Variants in RBFOX1 observed in about 807,000 individuals in gnomAD.
RBFOX1 encodes the protein RNA binding fox-1 homolog 1, also known as RNA binding protein fox-1 homolog 1.
A neutral mutation model predicts 57.7 loss-of-function variants in RBFOX1; 8 were observed. The observed-to-expected ratio is 0.14, with a 90% CI of 0.08 to 0.25. The LOEUF (loss-of-function observed/expected upper bound fraction) is 0.25. Ranked by LOEUF, RBFOX1 falls within the 10% of genes least tolerant of loss-of-function variation. The pLI, the probability that RBFOX1 is intolerant of heterozygous loss-of-function variation, is 1.00. For synonymous variants in RBFOX1, 326 were observed against 222.4 expected (o/e 1.47, Z -4.15); for missense variants, 611 against 548.5 (o/e 1.11, Z -1.14).
intron 3 of RBFOX1, among the ~76,000 whole-genome samples, chr16:6,903,667 C>T (rs953752371): frequency 1.3e-5 from 2 of 151,976 alleles, no homozygotes; most frequent in East Asian, 1.9e-4. Context: ...TTCTCTTTAC[C>T]TAAAAAGAGA....
chr16:6,465,617 TGTGTG>T (rs2095030661), intron 2 of RBFOX1, among the ~76,000 whole-genome samples: 4 of 151,620 alleles, frequency 2.6e-5, no homozygotes, highest in Middle Eastern at 3.2e-3. Flanking sequence ...TGTGTGTGTG[TGTGTG>T]TGTGTGTGTG....
chr16:5,337,169 A>C (rs949420950), intron 1 of RBFOX1, among the ~76,000 whole-genome samples: 3 of 152,138 alleles, frequency 2.0e-5, no homozygotes, highest in African/African-American at 7.2e-5. Flanking sequence ...CAGGTGACAA[A>C]AGAACCTCCC....
chr16:5,318,282 C>G (rs1011906373), intron 1 of RBFOX1, among the ~76,000 whole-genome samples: 9 of 152,158 alleles, frequency 5.9e-5, no homozygotes, highest in African/African-American at 2.2e-4. Context: ...GCATTCACCA[C>G]CACACCCGGC....
intron 2 of RBFOX1, among the ~76,000 whole-genome samples, chr16:6,603,331 T>C (rs898760135): frequency 3.3e-5 from 5 of 152,212 alleles, no homozygotes; most frequent in African/African-American, 9.6e-5. Flanking sequence ...AGTTGGAGTC[T>C]TGTATGAAAT....
At chr16:6,081,808 T>C (rs2152508692) in intron 1 of RBFOX1, among the ~76,000 whole-genome samples, 1 of 152,298 alleles carries the variant, frequency 6.6e-6, no homozygotes, top group Middle Eastern at 3.4e-3. Context: ...CCATTGTTGG[T>C]AGATTCCAGC....
At chr16:7,399,545 T>A (rs2148737243) in intron 4 of RBFOX1, among the ~76,000 whole-genome samples, 1 of 152,356 alleles carries the variant, frequency 6.6e-6, no homozygotes, top group Non-Finnish European at 1.5e-5. Flanking sequence ...GGAAAATCCA[T>A]ACCCTGGCTC....
chr16:5,643,123 C>T (rs981064540), intron 3 of RBFOX1, among the ~76,000 whole-genome samples: 3 of 152,122 alleles, frequency 2.0e-5, no homozygotes, highest in African/African-American at 7.2e-5. Flanking sequence ...AGCAGCCAGC[C>T]TCTAGGCAGA....
At chr16:5,715,808 T>A (rs2051675516) in intron 3 of RBFOX1, among the ~76,000 whole-genome samples, 1 of 152,180 alleles carries the variant, frequency 6.6e-6, no homozygotes, top group Non-Finnish European at 1.5e-5. Flanking sequence ...GGGCTTCCTT[T>A]TACTGGCCCA....
At chr16:6,975,280 T>G (rs2153577184) in intron 3 of RBFOX1, among the ~76,000 whole-genome samples, 1 of 152,232 alleles carries the variant, frequency 6.6e-6, no homozygotes, top group Admixed American at 6.5e-5. Flanking sequence ...TTATTTTTTT[T>G]TTTGAGACAG....
At chr16:7,647,979 G>T (rs184769113) in intron 11 of RBFOX1, among the ~76,000 whole-genome samples, 33 of 152,142 alleles carry the variant, frequency 2.2e-4, no homozygotes, top group Non-Finnish European at 4.1e-4. Flanking sequence ...TGAATCATCT[G>T]TCCAGGTAAT....
chr16:7,050,927 G>C (rs1404747865), intron 3 of RBFOX1, among the ~76,000 whole-genome samples: 6 of 152,090 alleles, frequency 3.9e-5, no homozygotes, highest in East Asian at 1.9e-4. Flanking sequence ...CTGATTTATA[G>C]ATTTGGGGCT....
At chr16:6,378,686 A>G (rs1014979893) in intron 2 of RBFOX1, among the ~76,000 whole-genome samples, 5 of 152,164 alleles carry the variant, frequency 3.3e-5, no homozygotes, top group Non-Finnish European at 5.9e-5. Flanking sequence ...GTCACCCTTT[A>G]GAGGGGCAGC....
chr16:6,452,292 A>T (rs2534765), intron 2 of RBFOX1, among the ~76,000 whole-genome samples: 122,173 of 150,608 alleles, frequency 0.81, 49,476 homozygotes, highest in Middle Eastern at 0.88. Flanking sequence ...GACTCCATCC[A>T]TGGCTGCATC....
chr16:6,052,835 ATAT>A (rs909290937), intron 1 of RBFOX1, among the ~76,000 whole-genome samples: 38 of 148,726 alleles, frequency 2.6e-4, no homozygotes, highest in African/African-American at 7.1e-4. Flanking sequence ...AATAATAATA[ATAT>A]TAATGCCTAT....
chr16:7,031,005 G>C (rs560608464), intron 3 of RBFOX1, among the ~76,000 whole-genome samples: 2 of 152,294 alleles, frequency 1.3e-5, no homozygotes, highest in South Asian at 4.1e-4. Flanking sequence ...TGCAGAAAGA[G>C]GACCTTTATG....
chr16:5,843,400 T>C (rs1186151127), intron 3 of RBFOX1, among the ~76,000 whole-genome samples: 2 of 152,226 alleles, frequency 1.3e-5, no homozygotes, highest in Non-Finnish European at 2.9e-5. Flanking sequence ...GGTTTTCTGT[T>C]CCAGCATTAG....
rs112877742 is a variant in RBFOX1, at chr16:6,935,299, C to T, written c.-15-116758C>T. On this transcript the variant is annotated intron_variant, in intron 3 of 15. Coordinates refer to ENST00000550418, the MANE Select transcript of RBFOX1 (RefSeq NM_018723.4). ...AGATGTTCAGAGTGGTAGTTTCAGA[C>T]GATCTCTCCAAGTCTTTGATAGTTT... Among the ~76,000 whole-genome samples, 947 of 152,192 alleles carry T rather than the reference C, an allele frequency of 6.2e-3. 15 individuals carry two copies. The highest frequency in any genetic ancestry group is 0.021 in the African/African-American group (887 of 41,516).
chr16:7,560,998 T>G (rs185657571), intron 5 of RBFOX1, among the ~76,000 whole-genome samples: 1 of 152,340 alleles, frequency 6.6e-6, no homozygotes, highest in African/African-American at 2.4e-5. Context: ...GGTTTATTCA[T>G]TTCTCCTCCA....
At chr16:6,108,159 T>C (rs957033592) in intron 1 of RBFOX1, among the ~76,000 whole-genome samples, 6 of 152,246 alleles carry the variant, frequency 3.9e-5, no homozygotes, top group Non-Finnish European at 1.5e-5. Context: ...TATTTTAATA[T>C]TGGTGATACC....
Sources: gnomAD v4.1 joint callset for allele counts (sites outside exome capture counted in the v4.1 genomes callset) on GRCh38, gnomAD v4.1.1 for gene constraint, MANE v1.5 for transcripts, NCBI Gene and HGNC (gene_info 2026-07-23, HGNC 2026-07-21) for gene names.